The following CLIC5 variants were observed in gnomAD, a reference collection of about 807,000 sequenced individuals.
The protein encoded by CLIC5 is chloride intracellular channel protein 5.
Under a neutral mutation model 24.7 loss-of-function variants are expected in CLIC5, and 20 were observed. The ratio of observed to expected loss-of-function variants is 0.81; its 90% CI spans 0.57 to 1.18. The LOEUF is 1.18. Among genes scored for constraint, CLIC5 ranks in the 50% most tolerant of loss-of-function variants. The pLI is 0.00. For synonymous variants in CLIC5, 159 were observed against 135.6 expected, an observed-to-expected ratio of 1.17 and a Z score of -1.20; for missense variants, 341 against 326.1, an observed-to-expected ratio of 1.05 and a Z score of -0.35.
chr6:46,026,514 T>C (rs190477554), intron 1 of CLIC5, among the ~76,000 whole-genome samples: 1 of 152,342 alleles, frequency 6.6e-6, no homozygotes, highest in Admixed American at 6.5e-5. Flanking sequence ...TGCAATCTTT[T>C]ATGATCTGCC....
In CLIC5 at chr6:45,956,805, C is replaced by A. The variant is rs922521953; in HGVS notation, c.64-1561G>T. On this transcript the variant is annotated intron_variant, in intron 1 of 5. Coordinates refer to ENST00000339561, the MANE Select transcript of CLIC5 (RefSeq NM_016929.5). Reference sequence around the variant, plus strand: ...ACTTTTCCTCAGTGCTGGAAGCAGACCCACCCCTGAGTCTTGAGAAAGCAC... The same window carrying A: ...ACTTTTCCTCAGTGCTGGAAGCAGAACCACCCCTGAGTCTTGAGAAAGCAC... Among the ~76,000 whole-genome samples the A allele has an allele frequency of 4.6e-5, 7 of 152,154 alleles. No individual in the cohort carries two copies. In the East Asian group the frequency reaches 1.3e-3, roughly 29 times the overall value.
chr6:45,893,039 A>C (rs1206888834), intron 6 of CLIC5, among the ~76,000 whole-genome samples: 3 of 152,212 alleles, frequency 2.0e-5, no homozygotes, highest in African/African-American at 7.2e-5. Flanking sequence ...CTAGAATTAA[A>C]TAACCACACG....
chr6:46,027,888 T>G (rs1343422901), intron 1 of CLIC5, among the ~76,000 whole-genome samples: 1 of 152,200 alleles, frequency 6.6e-6, no homozygotes, highest in African/African-American at 2.4e-5. Context: ...TTAAAAAAAT[T>G]GCATTGAAGT....
downstream of CLIC5, among the ~76,000 whole-genome samples, chr6:45,896,524 T>C (rs1308705174): frequency 2.0e-5 from 3 of 152,230 alleles, no homozygotes; most frequent in Non-Finnish European, 4.4e-5. Flanking sequence ...ACCTCTCCAG[T>C]CTAATACTCC....
At chr6:45,974,621 G>C (rs1201843957) in intron 1 of CLIC5, among the ~76,000 whole-genome samples, 1 of 150,216 alleles carries the variant, frequency 6.7e-6, no homozygotes, top group Non-Finnish European at 1.5e-5. Context: ...ACCTGATACT[G>C]ATAACATCAG....
At chr6:46,050,729 G>A (rs1051021572) in intron 1 of CLIC5, among the ~76,000 whole-genome samples, 8 of 152,174 alleles carry the variant, frequency 5.3e-5, no homozygotes, top group African/African-American at 1.9e-4. Flanking sequence ...GGCTTAGGTG[G>A]TAGCAAATAC....
the CLIC5 span, among the ~76,000 whole-genome samples, chr6:46,116,089 G>A: frequency 6.6e-6 from 1 of 152,092 alleles, no homozygotes; most frequent in Non-Finnish European, 1.5e-5. Context: ...GAATGATAAT[G>A]ATAGAATCAT....
intron 3 of CLIC5, among the ~76,000 whole-genome samples, chr6:45,942,320 C>T (rs971032294): frequency 2.0e-5 from 3 of 152,058 alleles, no homozygotes; most frequent in South Asian, 2.1e-4. Context: ...CTCTCTCTTT[C>T]GTAGAGTCTT....
At chr6:46,111,036 C>T in the CLIC5 span, among the ~76,000 whole-genome samples, 3 of 152,118 alleles carry the variant, frequency 2.0e-5, no homozygotes, top group Non-Finnish European at 4.4e-5. Context: ...TCGATTGTAG[C>T]CTTGTTGGTA....
intron 1 of CLIC5, among the ~76,000 whole-genome samples, chr6:45,968,557 C>T (rs903927116): frequency 6.6e-6 from 1 of 152,080 alleles, no homozygotes; most frequent in East Asian, 1.9e-4. Flanking sequence ...ACAATGGATG[C>T]CCCAGACCAA....
the CLIC5 span, among the ~76,000 whole-genome samples, chr6:46,123,339 T>C: frequency 2.0e-5 from 3 of 152,200 alleles, no homozygotes; most frequent in Admixed American, 1.3e-4. Context: ...AACCACATGA[T>C]TATCTCAATA....
chr6:45,919,130 G>A, intron 4 of CLIC5: 1 of 983,014 alleles, frequency 1.0e-6, no homozygotes. Flanking sequence ...AACCTAGTCT[G>A]ATGTAATCAT....
At chr6:46,013,876 C>T (rs1247675282) in intron 1 of CLIC5, among the ~76,000 whole-genome samples, 1 of 152,214 alleles carries the variant, frequency 6.6e-6, no homozygotes, top group African/African-American at 2.4e-5. Flanking sequence ...AGACTCATCG[C>T]TTTGTTAAAG....
upstream of CLIC5, chr6:46,018,619 G>C (rs772600994): frequency 2.6e-5 from 4 of 152,170 alleles, no homozygotes; most frequent in Admixed American, 6.5e-5. Flanking sequence ...AGAATAATTG[G>C]TTAGAGTCAA....
chr6:46,068,866 G>T (rs1216262526), intron 1 of CLIC5, among the ~76,000 whole-genome samples: 1 of 152,144 alleles, frequency 6.6e-6, no homozygotes, highest in Middle Eastern at 3.2e-3. Context: ...TGCTCTTCTA[G>T]CCTCCAGTAT....
rs191540908 is a variant in CLIC5, at chr6:45,989,196, C to A, written c.63+26284G>T. On this transcript the variant is annotated intron_variant, in intron 1 of 5. Transcript: ENST00000339561. ...ACTCTGACATTAAGTACTCTCCCCA[C>A]CCCCACCGATGCTTTCCAGGTGGTG... Among the ~76,000 whole-genome samples the A allele has an allele frequency of 1.2e-3, 187 of 152,262 alleles. 1 individual carries two copies. Among genetic ancestry groups the A allele is most frequent in the African/African-American group, 4.3e-3 (177 of 41,564 alleles).
chr6:46,125,075 A>G, the CLIC5 span, among the ~76,000 whole-genome samples: 1 of 152,116 alleles, frequency 6.6e-6, no homozygotes, highest in Non-Finnish European at 1.5e-5. Flanking sequence ...TCCCATAACT[A>G]GGTATATACC....
At chr6:46,080,289 T>C (rs1221419296) in exon 1 of CLIC5, 2 of 1,473,814 alleles carry the variant, frequency 1.4e-6, no homozygotes, top group East Asian at 2.5e-5. Flanking sequence ...TGAGTAGATC[T>C]GAAATGAATG....
At chr6:46,062,184 T>A (rs570497303) in intron 1 of CLIC5, among the ~76,000 whole-genome samples, 57 of 152,316 alleles carry the variant, frequency 3.7e-4, no homozygotes, top group African/African-American at 1.3e-3. Flanking sequence ...ACCAAGCCAG[T>A]TTATAGAGAG....
Sources: gnomAD v4.1 joint callset for allele counts (sites outside exome capture counted in the v4.1 genomes callset) on GRCh38, gnomAD v4.1.1 for gene constraint, MANE v1.5 for transcripts, NCBI Gene and HGNC (gene_info 2026-07-23, HGNC 2026-07-21) for gene names.